Variants in LMNA observed in about 807,000 individuals in gnomAD.
LMNA encodes the protein lamin.
In LMNA, 20 loss-of-function variants were observed where a neutral mutation model predicts 70.4. The ratio of observed to expected loss-of-function variants is 0.28; its 90% CI spans 0.20 to 0.41. The LOEUF (loss-of-function observed/expected upper bound fraction) is 0.41, where lower values mean the gene tolerates loss of function less well. Ranked by LOEUF, LMNA falls within the 10% of genes least tolerant of loss-of-function variation. The pLI is 1.00. For missense variants in LMNA, 652 were observed against 917.2 expected (o/e 0.71, Z 3.73); for synonymous variants, 339 against 372.8 (o/e 0.91, Z 1.04).
chr1:156,126,595 C>T (rs757323052), intron 1 of LMNA: 10 of 890,546 alleles, frequency 1.1e-5, no homozygotes, highest in Admixed American at 1.8e-5. Flanking sequence ...GCTGGGGAGC[C>T]GGACTTCCTT....
intron 3 of LMNA, among the ~76,000 whole-genome samples, chr1:156,091,660 G>T (rs1336434256): frequency 6.6e-6 from 1 of 152,052 alleles, no homozygotes; most frequent in Admixed American, 6.6e-5. Context: ...TCAAATACAT[G>T]CTGTGTCAGG....
chr1:156,094,475 A>T (rs1000974634), intron 3 of LMNA, among the ~76,000 whole-genome samples: 3 of 151,786 alleles, frequency 2.0e-5, no homozygotes, highest in African/African-American at 7.3e-5. Context: ...AGTAGCTGGG[A>T]CTACAGAGGC....
At chr1:156,087,017 T>G (rs1274844463) in intron 2 of LMNA, among the ~76,000 whole-genome samples, 1 of 152,062 alleles carries the variant, frequency 6.6e-6, no homozygotes, top group Non-Finnish European at 1.5e-5. Context: ...TACCAAGGGA[T>G]GGGGGTGCAC....
chr1:156,138,534 G>A lies in LMNA; in HGVS notation c.1745G>A (p.Arg582His), dbSNP rs57830985. The A allele has an allele frequency of 6.2e-6, 10 of 1,612,584 alleles. No homozygotes were observed. Among genetic ancestry groups the A allele is most frequent in the African/African-American group, 1.3e-5 (1 of 75,040 alleles). ...GGGGACCCCGCTGAGTACAACCTGC[G>A]CTCGCGCACCGTGCTGTGCGGGACC... ...SSGDPAEYNL[R>H]SRTVLCGTCG... The change falls in exon 11 of 12, where the codon CGC becomes CAC. Residue 582 changes from arginine (R) to histidine (H), a missense_variant. By Grantham distance (29) the Arg-to-His change is conservative. Transcript: ENST00000368300. This position sits in a 1 kb window ranked among gnomAD's most constrained non-coding sequence, Gnocchi z 5.5.
Position 156,135,263 on chromosome 1 carries a change from G to T in LMNA, c.887G>T (p.Arg296Leu), listed in dbSNP as rs1024051591. Reference sequence around the variant, plus strand: ...GCCCACGAGGAGCTGCAGCAGTCGCGCATCCGCATCGACAGCCTCTCTGCC... The same window carrying T: ...GCCCACGAGGAGCTGCAGCAGTCGCTCATCCGCATCGACAGCCTCTCTGCC... ...GAAHEELQQS[R>L]IRIDSLSAQL... The change falls in exon 5 of 12, where the codon CGC becomes CTC. Residue 296 changes from arginine to leucine, a missense_variant. By Grantham distance (102) the Arg-to-Leu change is moderately radical. Coordinates refer to ENST00000368300, the MANE Select transcript of LMNA (RefSeq NM_170707.4). The surrounding 1 kb of genome is among the most constrained non-coding windows in gnomAD (Gnocchi z 4.8). 6.2e-7 allele frequency: 1 copy of T among 1,613,538 alleles called. No individual in the cohort carries two copies. Among genetic ancestry groups the T allele is most frequent in the Middle Eastern group, 1.6e-4 (1 of 6,062 alleles).
At position 156,134,540 on chromosome 1, in the gene LMNA, GC is replaced by G; in HGVS notation, c.639+13del. 2.5e-6 allele frequency: 4 copies of G among 1,613,720 alleles called. No homozygotes were observed. The highest frequency in any genetic ancestry group is 3.4e-6 in the Non-Finnish European group (4 of 1,180,030). ...ACATCTACAGTGAGGTGGGGACTGT[GC>G]TTTGCAAGCCAGAGGGCTGGGGCTG... On this transcript the variant is annotated intron_variant, in intron 3 of 11. Coordinates refer to ENST00000368300, the MANE Select transcript of LMNA (RefSeq NM_170707.4). The surrounding 1 kb of genome is among the most constrained non-coding windows in gnomAD (Gnocchi z 5.3).
chr1:156,091,913 CA>C (rs960085049), intron 3 of LMNA, among the ~76,000 whole-genome samples: 6 of 150,918 alleles, frequency 4.0e-5, no homozygotes, highest in African/African-American at 7.3e-5. Flanking sequence ...CCCATCTCTA[CA>C]AAAAAAAATT....
intron 1 of LMNA, among the ~76,000 whole-genome samples, chr1:156,116,971 T>C (rs182313746): frequency 6.6e-6 from 1 of 151,742 alleles, no homozygotes; most frequent in Non-Finnish European, 1.5e-5. Flanking sequence ...TGGAGTGAAG[T>C]GGTGCGATCT....
intron 3 of LMNA, among the ~76,000 whole-genome samples, chr1:156,106,443 G>C (rs946136448): frequency 6.6e-6 from 1 of 151,906 alleles, no homozygotes; most frequent in African/African-American, 2.4e-5. Context: ...CACACACAGA[G>C]ACACACAGAC....
At chr1:156,123,211 T>G (rs1650322317) in intron 1 of LMNA, 1 of 152,258 alleles carries the variant, frequency 6.6e-6, no homozygotes, top group East Asian at 1.9e-4. Context: ...CCTTTAGGTC[T>G]GGCTCAGGGG....
chr1:156,088,521 G>A lies in LMNA; in HGVS notation c.-318-1950G>A, dbSNP rs556757219. On this transcript the variant is annotated intron_variant, in intron 2 of 12. Coordinates refer to the LMNA transcript ENST00000368301. The stretch of plus-strand genomic sequence containing the variant: ...TAAATGTAAGGACAAAATGGTCTTT[G>A]GGGTAGAGCACGGTGGCTCCTGCCT... Among the ~76,000 whole-genome samples the A allele has an allele frequency of 1.6e-4, 25 of 152,276 alleles. No homozygotes were observed. The East Asian group carries it at 4.6e-3, about 28-fold the overall frequency.
chr1:156,088,452 C>T (rs1158044212), intron 2 of LMNA, among the ~76,000 whole-genome samples: 1 of 152,066 alleles, frequency 6.6e-6, no homozygotes, highest in African/African-American at 2.4e-5. Flanking sequence ...CGGTAAGACA[C>T]AGAAACTGGC....
chr1:156,098,120 C>T (rs116840312), intron 3 of LMNA, among the ~76,000 whole-genome samples: 2,792 of 152,302 alleles, frequency 0.018, 85 homozygotes, highest in African/African-American at 0.064. Context: ...AGGGGTATGC[C>T]CATCTCACCC....
intron 1 of LMNA, among the ~76,000 whole-genome samples, chr1:156,121,346 G>A (rs942055160): frequency 1.3e-5 from 2 of 151,984 alleles, no homozygotes; most frequent in Non-Finnish European, 2.9e-5. Context: ...CCAAATCCAC[G>A]TTCTGATTCA....
chr1:156,124,668 C>A (rs1173459463), intron 1 of LMNA, among the ~76,000 whole-genome samples: 1 of 152,152 alleles, frequency 6.6e-6, no homozygotes, highest in Non-Finnish European at 1.5e-5. Flanking sequence ...ACATCCTGCC[C>A]TTACCCGAGT....
At chr1:156,122,664 G>A (rs531704000) in intron 1 of LMNA, among the ~76,000 whole-genome samples, 2 of 152,294 alleles carry the variant, frequency 1.3e-5, no homozygotes, top group South Asian at 4.1e-4. Context: ...CGGGAGATGC[G>A]GCACAGGAAT....
Position 156,139,543 on chromosome 1 carries a change from GCCT to G in LMNA, c.*442_*444del. 1 of 1,373,254 alleles carries G rather than the reference GCCT, an allele frequency of 7.3e-7. No individual in the cohort carries two copies. Among genetic ancestry groups the G allele is most frequent in the Middle Eastern group, 2.7e-4 (1 of 3,646 alleles). 85.1% of individuals were successfully genotyped at this position (1,373,254 alleles called of 1,614,324 possible). On this transcript the variant is annotated 3_prime_UTR_variant, in exon 12 of 12. Transcript: ENST00000368300. ...GGCAGGCATAGAGGCTTCTCCGCCA[GCCT>G]CCTCTGGACGGCAGGCTCACTGCCA...
In LMNA at chr1:156,134,783, G is replaced by A. The variant is rs1327796078; in HGVS notation, c.640-22G>A. ...AACTAATTCTGATTTTGGTTTCTGT[G>A]TCCTTCCTCCAACCCTTCCAGGAGC... On this transcript the variant is annotated intron_variant, in intron 3 of 11. Coordinates refer to ENST00000368300, the MANE Select transcript of LMNA (RefSeq NM_170707.4). This position sits in a 1 kb window ranked among gnomAD's most constrained non-coding sequence, Gnocchi z 5.3. 3 of 1,614,144 alleles carry A rather than the reference G, an allele frequency of 1.9e-6. No individual in the cohort carries two copies. Among genetic ancestry groups the A allele is most frequent in the Non-Finnish European group, 2.5e-6 (3 of 1,180,010 alleles).
rs531945266 is a variant in LMNA, at chr1:156,098,234, G to C, written c.-207+7652G>C. On this transcript the variant is annotated intron_variant, in intron 3 of 12. Coordinates refer to the LMNA transcript ENST00000368301. ...AAGACCTTAGAAATCTTCCAGTCTG[G>C]TTCTCTTGTTTTGAAGGTGTGAAAG... Among the ~76,000 whole-genome samples, 9 of 152,268 alleles carry C rather than the reference G, an allele frequency of 5.9e-5. No individual in the cohort carries two copies. The South Asian group carries it at 1.9e-3, about 32-fold the overall frequency.
Sources: allele counts gnomAD v4.1 joint callset (sites outside exome capture counted in the v4.1 genomes callset), GRCh38; gene constraint gnomAD v4.1.1; non-coding constraint Gnocchi (gnomAD v3.1); transcripts MANE v1.5; gene names NCBI Gene and HGNC (gene_info 2026-07-23, HGNC 2026-07-21).